The following ERFL variants were observed in gnomAD, a reference collection of about 807,000 sequenced individuals.
ERFL encodes the protein ETS domain-containing transcription factor ERF-like.
ERFL carries 8 observed loss-of-function variants against 27.9 expected under a neutral mutation model. That is an observed-to-expected ratio of 0.29 (90% CI 0.17 to 0.52). The LOEUF (loss-of-function observed/expected upper bound fraction) is 0.52. Among genes scored for constraint, ERFL ranks in the 20% least tolerant of loss-of-function variants. ERFL has a pLI of 0.97. For missense variants in ERFL, 294 were observed against 444.4 expected, an observed-to-expected ratio of 0.66 and a Z score of 3.04; for synonymous variants, 174 against 202.8, an observed-to-expected ratio of 0.86 and a Z score of 1.21.
intron 1 of ERFL, among the ~76,000 whole-genome samples, chr19:41,920,359 G>C (rs1354477529): frequency 7.8e-6 from 1 of 128,396 alleles, no homozygotes; most frequent in Non-Finnish European, 1.6e-5. Flanking sequence ...CAGACGTGAC[G>C]CACAGACATG....
At chr19:41,912,781 A>G in intron 2 of ERFL, 72 bp downstream of exon 2, 1 of 443,552 alleles carries the variant, frequency 2.3e-6, no homozygotes. Context: ...AGACACGGAG[A>G]GAAGGGGGAT....
chr19:41,920,007 ACTCACAGACATGACGCG>A (rs1342744692), intron 1 of ERFL, among the ~76,000 whole-genome samples: 81 of 135,748 alleles, frequency 6.0e-4, no homozygotes, highest in African/African-American at 2.1e-3. Context: ...GACATGACGA[ACTCACAGACATGACGCG>A]CTCACAGACA....
chr19:41,926,653 G>C (rs1393940584), intron 1 of ERFL, among the ~76,000 whole-genome samples: 1 of 152,128 alleles, frequency 6.6e-6, no homozygotes, highest in Non-Finnish European at 1.5e-5. Flanking sequence ...CTGCCGGGCA[G>C]CCAGGGCCCC....
chr19:41,914,716 GTCTCTCCCTCCCCTTCCACCATCTC>G (rs1338417216), intron 1 of ERFL, among the ~76,000 whole-genome samples: 1 of 14,256 alleles, frequency 7.0e-5, no homozygotes, highest in Admixed American at 8.7e-4. Flanking sequence ...CACCATCTCT[GTCTCTCCCTCCCCTTCCACCATCTC>G]TGTCTCTCCC....
chr19:41,915,956 C>T (rs559947959), intron 1 of ERFL, among the ~76,000 whole-genome samples: 1 of 151,800 alleles, frequency 6.6e-6, no homozygotes, highest in Non-Finnish European at 1.5e-5. Context: ...CGCCGGCCGG[C>T]GTGGTGCGGA....
chr19:41,923,439 AAG>A (rs2074852949), intron 1 of ERFL, among the ~76,000 whole-genome samples: 2 of 151,518 alleles, frequency 1.3e-5, no homozygotes, highest in African/African-American at 4.8e-5. Context: ...ACAGAGAACA[AAG>A]AGAGACTGGG....
intron 1 of ERFL, among the ~76,000 whole-genome samples, chr19:41,922,357 G>A (rs2074847419): frequency 6.6e-6 from 1 of 152,218 alleles, no homozygotes; most frequent in Non-Finnish European, 1.5e-5. Flanking sequence ...CAGAAATGAG[G>A]AGGGCAAAGA....
rs1568833945 is a variant in ERFL, at chr19:41,917,587, CG to C, written c.-13-4656del. 6.6e-6 allele frequency among the ~76,000 whole-genome samples: 1 copy of C among 151,762 alleles called. No homozygotes were observed. Among genetic ancestry groups the C allele is most frequent in the Non-Finnish European group, 1.5e-5 (1 of 67,932 alleles). ...GCTCTGTCTAAAGAGGAGAGAGACG[CG>C]GCCTAAGACCCTTCTGCCACCGCCG... On this transcript the variant is annotated intron_variant, in intron 1 of 5. Transcript: ENST00000597630. This position sits in a 1 kb window ranked among gnomAD's most constrained non-coding sequence, Gnocchi z 4.8.
chr19:41,926,880 G>A (rs1409303693), intron 1 of ERFL, among the ~76,000 whole-genome samples: 1 of 152,154 alleles, frequency 6.6e-6, no homozygotes, highest in Non-Finnish European at 1.5e-5. Context: ...AAACCAGCGA[G>A]GGGGAGACAG....
chr19:41,911,816 G>A (rs746052959), intron 2 of ERFL, among the ~76,000 whole-genome samples: 1 of 152,188 alleles, frequency 6.6e-6, no homozygotes, highest in African/African-American at 2.4e-5. Flanking sequence ...CAAATATGTT[G>A]TACCTATGAG....
intron 1 of ERFL, among the ~76,000 whole-genome samples, chr19:41,914,683 A>ATCTCTG (rs1480858010): frequency 1.8e-4 from 1 of 5,478 alleles, no homozygotes; most frequent in Non-Finnish European, 2.7e-4. Flanking sequence ...CCCTTCCACC[A>ATCTCTG]TCTCTGTCTC....
In ERFL at chr19:41,909,842, C is replaced by A; in HGVS notation, c.302+21G>T. The stretch of plus-strand genomic sequence containing the variant: ...TGGGGGAAAAGGACAAGGTGGGATC[C>A]AGCCCCAAGCCCTTCCTCACCGCAG... On this transcript the variant is annotated intron_variant, in intron 3 of 5. Coordinates refer to ENST00000597630, the MANE Select transcript of ERFL (RefSeq NM_001365103.2). This position sits in a 1 kb window ranked among gnomAD's most constrained non-coding sequence, Gnocchi z 5.2. The A allele has an allele frequency of 6.3e-7, 1 of 1,584,950 alleles. No individual in the cohort carries two copies.
chr19:41,922,459 G>A (rs1555852585), intron 1 of ERFL, among the ~76,000 whole-genome samples: 5 of 152,196 alleles, frequency 3.3e-5, no homozygotes, highest in African/African-American at 7.2e-5. Flanking sequence ...ACAGGGACAG[G>A]GAATCGGATG....
rs2145880681 is a variant in ERFL at position 41,909,491 on chromosome 19, G to A, written c.303-20C>T. On this transcript the variant is annotated intron_variant, in intron 3 of 5. Transcript: ENST00000597630. This position sits in a 1 kb window ranked among gnomAD's most constrained non-coding sequence, Gnocchi z 5.2. ...TAGTAACTGTGGGGAGAGTGGTGGT[G>A]TTGGGGAGGTGCAGGGGGAGCCCTG... 5.6e-6 allele frequency: 7 copies of A among 1,252,430 alleles called. No homozygotes were observed. The highest frequency in any genetic ancestry group is 7.4e-5 in the South Asian group (2 of 27,102). 77.6% of individuals were successfully genotyped at this position (1,252,430 alleles called of 1,614,324 possible). A position where few individuals can be genotyped will look rare whatever the true frequency, so the allele number is the denominator to read the frequency against.
intron 1 of ERFL, among the ~76,000 whole-genome samples, chr19:41,926,472 A>ACAGGTGGGTGCAGTGTGACTCTGC (rs2074870990): frequency 6.6e-6 from 1 of 152,124 alleles, no homozygotes; most frequent in Admixed American, 6.5e-5. Context: ...ACCTGAGGCC[A>ACAGGTGGGTGCAGTGTGACTCTGC]CAGGTGGGTG....
chr19:41,915,552 C>T (rs2074795835), intron 1 of ERFL, among the ~76,000 whole-genome samples: 3 of 152,068 alleles, frequency 2.0e-5, no homozygotes, highest in South Asian at 4.2e-4. Flanking sequence ...TCTCCACACC[C>T]CTGTCTCCGT....
intron 1 of ERFL, among the ~76,000 whole-genome samples, chr19:41,919,889 G>A (rs1037842759): frequency 6.6e-6 from 1 of 152,036 alleles, no homozygotes; most frequent in Non-Finnish European, 1.5e-5. Context: ...CACACCAGAC[G>A]CAGCTGAGCA....
In ERFL at chr19:41,907,989, G is replaced by A; in HGVS notation, c.*239C>T. On this transcript the variant is annotated 3_prime_UTR_variant, in exon 6 of 6. Transcript: ENST00000597630. ...GCACTTTGGGAGTGGGGCCAGGCGG[G>A]GACCCCCCTCAAACTGGAGCCTGGG... 1 of 400,968 alleles carries A rather than the reference G, an allele frequency of 2.5e-6. No homozygotes were observed. Among genetic ancestry groups the A allele is most frequent in the East Asian group, 3.6e-5 (1 of 27,696 alleles). The allele number at this position is 400,968 out of a possible 1,614,324, so 24.8% of individuals were successfully genotyped here. A position where few individuals can be genotyped will look rare whatever the true frequency, so the allele number is the denominator to read the frequency against.
At chr19:41,912,620 C>T (rs1448981484) in intron 2 of ERFL, among the ~76,000 whole-genome samples, 2 of 152,238 alleles carry the variant, frequency 1.3e-5, no homozygotes, top group African/African-American at 4.8e-5. Context: ...ACTTCCGTAC[C>T]CTCCCAGAAG....
Sources: allele counts gnomAD v4.1 joint callset (sites outside exome capture counted in the v4.1 genomes callset), GRCh38; gene constraint gnomAD v4.1.1; non-coding constraint Gnocchi (gnomAD v3.1); transcripts MANE v1.5; gene names NCBI Gene and HGNC (gene_info 2026-07-23, HGNC 2026-07-21).